The following TEKT5 variants were observed in gnomAD, a reference collection of about 807,000 sequenced individuals.
The protein encoded by TEKT5 is tektin 5.
In TEKT5, 52 loss-of-function variants were observed where a neutral mutation model predicts 48.7. That is an observed-to-expected ratio of 1.07 (90% CI 0.86 to 1.35). The LOEUF is 1.35. Among genes scored for constraint, TEKT5 ranks in the 40% most tolerant of loss-of-function variants. The pLI is 0.00. For synonymous variants in TEKT5, 318 were observed against 267.6 expected (o/e 1.19, Z -1.84); for missense variants, 831 against 641.6 (o/e 1.30, Z -3.19).
chr16:10,659,146 T>C (rs562706654), intron 5 of TEKT5, among the ~76,000 whole-genome samples: 1 of 152,278 alleles, frequency 6.6e-6, no homozygotes, highest in South Asian at 2.1e-4. Flanking sequence ...CATTGCGAAA[T>C]ATCCCCTGAG....
intron 3 of TEKT5, among the ~76,000 whole-genome samples, chr16:10,687,909 T>A (rs1412831431): frequency 6.6e-6 from 1 of 152,226 alleles, no homozygotes; most frequent in Non-Finnish European, 1.5e-5. Context: ...GGCATGCAAT[T>A]TGTAACAATC....
Position 10,647,608 on chromosome 16 carries a change from G to A in TEKT5, c.1087-11690C>T, listed in dbSNP as rs117138492. 5.6e-3 allele frequency among the ~76,000 whole-genome samples: 856 copies of A among 152,208 alleles called. 7 individuals carry two copies. The highest frequency in any genetic ancestry group is 9.3e-3 in the Non-Finnish European group (633 of 68,026). ...GCTAGGGAAATCTAGAGATGCCTCA[G>A]GCCAGAGACCTGAGCCCACCTTGTC... On this transcript the variant is annotated intron_variant, in intron 5 of 6. Coordinates refer to ENST00000283025, the MANE Select transcript of TEKT5 (RefSeq NM_144674.2).
At chr16:10,657,194 T>G (rs1213879609) in intron 5 of TEKT5, among the ~76,000 whole-genome samples, 1 of 151,682 alleles carries the variant, frequency 6.6e-6, no homozygotes, top group East Asian at 2.0e-4. Context: ...GGTGTGATCT[T>G]GGTTCACTGC....
intron 5 of TEKT5, among the ~76,000 whole-genome samples, chr16:10,637,638 T>G (rs1897935116): frequency 6.6e-6 from 1 of 152,276 alleles, no homozygotes; most frequent in Non-Finnish European, 1.5e-5. Context: ...CATCTTGATC[T>G]GAAGGTTTCA....
At chr16:10,643,693 C>T (rs1294476237) in intron 5 of TEKT5, among the ~76,000 whole-genome samples, 1 of 152,148 alleles carries the variant, frequency 6.6e-6, no homozygotes, top group Non-Finnish European at 1.5e-5. Context: ...AAAAATAACA[C>T]TTTGGTATAT....
chr16:10,689,512 A>G (rs986286280), intron 2 of TEKT5, among the ~76,000 whole-genome samples, 189 bp from the exon 3 acceptor site: 51 of 127,832 alleles, frequency 4.0e-4, no homozygotes, highest in African/African-American at 1.5e-3. Flanking sequence ...TTGATTGTGG[A>G]GGCTCCACCT....
intron 6 of TEKT5, among the ~76,000 whole-genome samples, chr16:10,632,496 A>G (rs1183218174): frequency 6.6e-6 from 1 of 151,976 alleles, no homozygotes; most frequent in Non-Finnish European, 1.5e-5. Context: ...GGGTCTTGCT[A>G]TGTTGTCCAG....
intron 5 of TEKT5, among the ~76,000 whole-genome samples, chr16:10,674,617 G>GAAAAAAAAAAAAA (rs57583870): frequency 5.4e-5 from 4 of 74,746 alleles, no homozygotes; most frequent in African/African-American, 5.9e-5. Flanking sequence ...GATCATCTCA[G>GAAAAAAAAAAAAA]AAAAAAAAAA....
chr16:10,687,206 T>G (rs887672132), intron 3 of TEKT5, among the ~76,000 whole-genome samples: 15 of 152,180 alleles, frequency 9.9e-5, no homozygotes, highest in African/African-American at 3.4e-4. Flanking sequence ...ATCACTGAGC[T>G]TTTAAGTGTT....
chr16:10,674,617 GAAAAAAA>G (rs57583870), intron 5 of TEKT5, among the ~76,000 whole-genome samples: 21 of 74,732 alleles, frequency 2.8e-4, no homozygotes, highest in South Asian at 1.9e-3. Flanking sequence ...GATCATCTCA[GAAAAAAA>G]AAAAAAAAAA....
At chr16:10,628,359 A>T (rs76611169) in intron 6 of TEKT5, among the ~76,000 whole-genome samples, 4,430 of 152,268 alleles carry the variant, frequency 0.029, 229 homozygotes, top group African/African-American at 0.1. Flanking sequence ...AGGATAGGAG[A>T]CCAATCTGGA....
At chr16:10,659,749 G>A (rs973585735) in intron 5 of TEKT5, among the ~76,000 whole-genome samples, 1 of 152,160 alleles carries the variant, frequency 6.6e-6, no homozygotes, top group Admixed American at 6.5e-5. Flanking sequence ...ACCATGAAAG[G>A]CCTGTACGCT....
chr16:10,628,314 T>C (rs932581563), intron 6 of TEKT5, among the ~76,000 whole-genome samples: 1 of 152,140 alleles, frequency 6.6e-6, no homozygotes, highest in African/African-American at 2.4e-5. Flanking sequence ...AAGGGTAATG[T>C]ACACAAAGGA....
At chr16:10,641,914 C>T (rs1196682981) in intron 5 of TEKT5, among the ~76,000 whole-genome samples, 3 of 152,254 alleles carry the variant, frequency 2.0e-5, no homozygotes, top group South Asian at 2.1e-4. Context: ...ACTTCTAGCA[C>T]GAGACTAGCT....
intron 5 of TEKT5, among the ~76,000 whole-genome samples, chr16:10,646,170 G>A (rs562714942): frequency 6.6e-6 from 1 of 152,068 alleles, no homozygotes; most frequent in Admixed American, 6.6e-5. Flanking sequence ...TGACATTCAA[G>A]TTTAAATGGA....
At chr16:10,653,203 C>G (rs1438489394) in intron 5 of TEKT5, among the ~76,000 whole-genome samples, 1 of 152,218 alleles carries the variant, frequency 6.6e-6, no homozygotes, top group Non-Finnish European at 1.5e-5. Flanking sequence ...TGGGAGGAGT[C>G]CTGGCATCCT....
At chr16:10,653,651 G>T (rs552772245) in intron 5 of TEKT5, among the ~76,000 whole-genome samples, 3 of 152,302 alleles carry the variant, frequency 2.0e-5, no homozygotes, top group Non-Finnish European at 2.9e-5. Context: ...GGTGGCCTAC[G>T]CTTGTAATCC....
intron 5 of TEKT5, among the ~76,000 whole-genome samples, chr16:10,648,601 G>C (rs1437754944): frequency 1.3e-5 from 2 of 152,186 alleles, no homozygotes; most frequent in Non-Finnish European, 2.9e-5. Flanking sequence ...CAAAGTGCTG[G>C]GATTACAGGC....
At chr16:10,660,220 A>G (rs1037341510) in intron 5 of TEKT5, among the ~76,000 whole-genome samples, 1 of 152,126 alleles carries the variant, frequency 6.6e-6, no homozygotes, top group Non-Finnish European at 1.5e-5. Context: ...TAAGGGGTCA[A>G]GACGGGGGTT....
Sources: allele counts gnomAD v4.1 joint callset (sites outside exome capture counted in the v4.1 genomes callset), GRCh38; gene constraint gnomAD v4.1.1; transcripts MANE v1.5; gene names NCBI Gene and HGNC (gene_info 2026-07-23, HGNC 2026-07-21).